The following FARP1 variants were observed in gnomAD, a reference collection of about 807,000 sequenced individuals.
FARP1 encodes the protein FERM, ARH/RhoGEF and pleckstrin domain protein 1, also known as FERM, ARHGEF and pleckstrin domain-containing protein 1.
FARP1 carries 52 observed loss-of-function variants against 128.8 expected under a neutral mutation model. The observed-to-expected ratio is 0.40, with a 90% CI of 0.32 to 0.51. The LOEUF is 0.51. Ranked by LOEUF, FARP1 falls within the 20% of genes least tolerant of loss-of-function variation. The pLI is 0.45. For synonymous variants in FARP1, 580 were observed against 551.8 expected, an observed-to-expected ratio of 1.05 and a Z score of -0.72; for missense variants, 1,333 against 1,367.9, an observed-to-expected ratio of 0.97 and a Z score of 0.40.
intron 2 of FARP1, among the ~76,000 whole-genome samples, chr13:98,228,903 A>T (rs1314456137): frequency 6.6e-6 from 1 of 152,316 alleles, no homozygotes; most frequent in Middle Eastern, 3.4e-3. Context: ...AGTAGTTGCT[A>T]TATGCACTGA....
intron 3 of FARP1, among the ~76,000 whole-genome samples, chr13:98,349,672 GAA>G (rs56376512): frequency 2.0e-4 from 12 of 59,862 alleles, no homozygotes; most frequent in Non-Finnish European, 3.3e-4. Context: ...CCATCTCAGG[GAA>G]AAAAAAAAAA....
intron 23 of FARP1, 56 bp from the exon 24 acceptor site, chr13:98,440,614 A>G (rs118156301): frequency 0.034 from 52,819 of 1,550,628 alleles, 1,058 homozygotes; most frequent in South Asian, 0.048. Context: ...AGAGTGTATC[A>G]GGAAGGGGCG....
intron 5 of FARP1, among the ~76,000 whole-genome samples, chr13:98,372,437 A>G (rs139717206): frequency 1.3e-5 from 2 of 152,114 alleles, no homozygotes; most frequent in African/African-American, 4.8e-5. Context: ...TCCTTGTGCC[A>G]TGTTTAGCCA....
intron 16 of FARP1, among the ~76,000 whole-genome samples, chr13:98,417,468 A>AGG (rs1484928522): frequency 1.5e-5 from 2 of 134,768 alleles, no homozygotes; most frequent in African/African-American, 7.0e-5. Context: ...AAAAAAAAAA[A>AGG]AAAAAAAAAA....
intron 2 of FARP1, among the ~76,000 whole-genome samples, chr13:98,237,666 G>A (rs1346261615): frequency 1.3e-5 from 2 of 152,180 alleles, no homozygotes; most frequent in Non-Finnish European, 2.9e-5. Flanking sequence ...TATGGGACCC[G>A]TATGAAGTGG....
chr13:98,437,855 A>G (rs764048857), intron 19 of FARP1: 44 of 1,595,146 alleles, frequency 2.8e-5, no homozygotes, highest in Non-Finnish European at 2.1e-5. Context: ...TGTTATTAGT[A>G]AAGGTGAAGA....
At chr13:98,446,283 G>A in intron 25 of FARP1, 78 bp downstream of exon 25, 1 of 913,460 alleles carries the variant, frequency 1.1e-6, no homozygotes. Flanking sequence ...CCCTCCTCTG[G>A]AATGACTCAG....
intron 2 of FARP1, among the ~76,000 whole-genome samples, chr13:98,327,574 G>A (rs1327707060): frequency 6.6e-6 from 1 of 152,194 alleles, no homozygotes; most frequent in Non-Finnish European, 1.5e-5. Flanking sequence ...ATCACATTGA[G>A]AGCAACAAAG....
chr13:98,287,144 G>C (rs1042814718), intron 2 of FARP1, among the ~76,000 whole-genome samples: 1 of 128,760 alleles, frequency 7.8e-6, no homozygotes. Flanking sequence ...AAATATTTTT[G>C]TTTTCTCTGC....
intron 6 of FARP1, 121 bp downstream of exon 6, chr13:98,378,039 T>C: frequency 2.6e-6 from 2 of 762,382 alleles, no homozygotes; most frequent in Non-Finnish European, 4.4e-6. Flanking sequence ...ATTTTTGCTG[T>C]TCGTATGAAG....
At chr13:98,414,763 C>T (rs549957158) in intron 16 of FARP1, among the ~76,000 whole-genome samples, 13 of 152,230 alleles carry the variant, frequency 8.5e-5, no homozygotes, top group South Asian at 8.3e-4. Context: ...ATTCAAGGTT[C>T]GGCACTCCTG....
At chr13:98,290,179 C>T (rs1209063742) in intron 2 of FARP1, among the ~76,000 whole-genome samples, 5 of 151,614 alleles carry the variant, frequency 3.3e-5, no homozygotes. Context: ...AACTTACGTT[C>T]CAGTACAGAA....
chr13:98,452,898 A>C lies in FARP1; in HGVS notation c.*4581A>C, dbSNP rs1257157508. On this transcript the variant is annotated 3_prime_UTR_variant, in exon 27 of 27. Transcript: ENST00000319562. Reference sequence around the variant, plus strand: ...TTGTTTTTAAAGACACTTTCCTGGAATATGTGCACTATGGTTAAAATTAAA... The same window carrying C: ...TTGTTTTTAAAGACACTTTCCTGGACTATGTGCACTATGGTTAAAATTAAA... The C allele has an allele frequency of 2.1e-5, 7 of 338,078 alleles. No homozygotes were observed. Among genetic ancestry groups the C allele is most frequent in the Non-Finnish European group, 3.7e-5 (7 of 187,888 alleles). 20.9% of individuals were successfully genotyped at this position (338,078 alleles called of 1,614,324 possible).
At chr13:98,161,801 G>T (rs886461124) in intron 1 of FARP1, among the ~76,000 whole-genome samples, 1 of 151,170 alleles carries the variant, frequency 6.6e-6, no homozygotes, top group Non-Finnish European at 1.5e-5. Flanking sequence ...TTCTTTCGAG[G>T]CAGGGTCTCA....
chr13:98,331,003 G>C (rs1887484849), intron 2 of FARP1, among the ~76,000 whole-genome samples: 1 of 152,176 alleles, frequency 6.6e-6, no homozygotes, highest in Admixed American at 6.5e-5. Context: ...GTTGGAATTA[G>C]TTCTTTAATT....
intron 17 of FARP1, among the ~76,000 whole-genome samples, chr13:98,429,031 G>A (rs1013920328): frequency 7.2e-5 from 11 of 152,218 alleles, no homozygotes; most frequent in African/African-American, 2.7e-4. Context: ...TAGTTTTGCA[G>A]GATGTCACCA....
At chr13:98,214,777 G>C (rs1274010194) in intron 2 of FARP1, among the ~76,000 whole-genome samples, 1 of 152,152 alleles carries the variant, frequency 6.6e-6, no homozygotes, top group South Asian at 2.1e-4. Flanking sequence ...TTGTATTTTG[G>C]TGAACAAAGC....
intron 24 of FARP1, among the ~76,000 whole-genome samples, chr13:98,442,884 G>A (rs2139135352): frequency 6.6e-6 from 1 of 152,346 alleles, no homozygotes; most frequent in African/African-American, 2.4e-5. Flanking sequence ...CGACTCTCAA[G>A]GCTGGGGTTT....
intron 3 of FARP1, among the ~76,000 whole-genome samples, chr13:98,352,860 A>G (rs1196506872): frequency 1.3e-5 from 2 of 152,154 alleles, no homozygotes; most frequent in Admixed American, 1.3e-4. Flanking sequence ...TGAGGAAAAG[A>G]AAGAGATGGA....
Sources: gnomAD v4.1 joint callset for allele counts (sites outside exome capture counted in the v4.1 genomes callset) on GRCh38, gnomAD v4.1.1 for gene constraint, MANE v1.5 for transcripts, NCBI Gene and HGNC (gene_info 2026-07-23, HGNC 2026-07-21) for gene names.